SH3PXD2B: variants seen among roughly 807,000 people sequenced by gnomAD.
SH3PXD2B encodes SH3 and PX domains 2B, also known as SH3 and PX domain-containing protein 2B.
Under a neutral mutation model 73.1 loss-of-function variants are expected in SH3PXD2B, and 37 were observed. The ratio of observed to expected loss-of-function variants is 0.51; its 90% CI spans 0.39 to 0.67. The LOEUF (loss-of-function observed/expected upper bound fraction) is 0.67. Among genes scored for constraint, SH3PXD2B ranks in the 30% least tolerant of loss-of-function variants. The probability of loss-of-function intolerance (pLI) is 0.00; values close to 1 mark genes in which losing one functional copy is unlikely to be tolerated. For synonymous variants in SH3PXD2B, 457 were observed against 480.5 expected, an observed-to-expected ratio of 0.95 and a Z score of 0.64; for missense variants, 1,053 against 1,197.8, an observed-to-expected ratio of 0.88 and a Z score of 1.78.
At chr5:172,423,383 C>T (rs984446885) in intron 1 of SH3PXD2B, among the ~76,000 whole-genome samples, 6 of 152,138 alleles carry the variant, frequency 3.9e-5, no homozygotes, top group African/African-American at 1.4e-4. Flanking sequence ...CATAGAAACA[C>T]AAGGCGCTCA....
At chr5:172,348,646 C>CT (rs1561896462) in intron 10 of SH3PXD2B, among the ~76,000 whole-genome samples, 7 of 61,388 alleles carry the variant, frequency 1.1e-4, no homozygotes, top group Non-Finnish European at 2.0e-4. Flanking sequence ...ATGTATCTAT[C>CT]TATCTATCCT....
intron 1 of SH3PXD2B, among the ~76,000 whole-genome samples, chr5:172,439,721 C>G (rs1759508523): frequency 6.6e-6 from 1 of 151,808 alleles, no homozygotes; most frequent in African/African-American, 2.4e-5. Flanking sequence ...CACACACACA[C>G]ACACACACAC....
At chr5:172,348,388 G>C (rs550981902) in intron 10 of SH3PXD2B, among the ~76,000 whole-genome samples, 3 of 151,786 alleles carry the variant, frequency 2.0e-5, no homozygotes, top group Admixed American at 6.6e-5. Context: ...GCAATGCACT[G>C]CTTTTCATTG....
intron 5 of SH3PXD2B, among the ~76,000 whole-genome samples, chr5:172,374,225 G>A (rs545811693): frequency 2.6e-5 from 4 of 152,234 alleles, no homozygotes; most frequent in South Asian, 2.1e-4. Flanking sequence ...GTGCTTGGCA[G>A]TAAGTGTACA....
chr5:172,368,493 A>ACG lies in SH3PXD2B; in HGVS notation c.427+5296_427+5297insCG. On this transcript the variant is annotated intron_variant, in intron 6 of 12. Transcript: ENST00000311601. ...TTATATATATATATAAAATATATAT[A>ACG]TATTATATATATATATATAAAATAT... Among the ~76,000 whole-genome samples, 26 of 13,322 alleles carry ACG rather than the reference A, an allele frequency of 2.0e-3. 3 individuals carry two copies. Among genetic ancestry groups the ACG allele is most frequent in the African/African-American group, 8.4e-3 (23 of 2,742 alleles). 8.7% of individuals were successfully genotyped at this position (13,322 alleles called of 152,430 possible).
At position 172,336,777 on chromosome 5, in the gene SH3PXD2B, G is replaced by A. The variant is rs1252835372; in HGVS notation, c.*1592C>T. The stretch of plus-strand genomic sequence containing the variant: ...GGTTCTGCTCTGCTCTCTTACTCTG[G>A]GCTGGGAGCTAGAAATGCTGGGTCC... On this transcript the variant is annotated 3_prime_UTR_variant, in exon 13 of 13. Transcript: ENST00000311601. 1.0e-6 allele frequency: 1 copy of A among 985,500 alleles called. No homozygotes were observed. The highest frequency in any genetic ancestry group is 1.7e-5 in the African/African-American group (1 of 57,214). 61.0% of individuals were successfully genotyped at this position (985,500 alleles called of 1,614,324 possible).
chr5:172,449,167 A>G (rs1311187949), intron 1 of SH3PXD2B, among the ~76,000 whole-genome samples: 1 of 152,176 alleles, frequency 6.6e-6, no homozygotes, highest in African/African-American at 2.4e-5. Context: ...ATCTACCCAG[A>G]GCTTCCTGGG....
At chr5:172,327,199 C>G (rs1377590157) in intron 12 of SH3PXD2B, among the ~76,000 whole-genome samples, 1 of 152,104 alleles carries the variant, frequency 6.6e-6, no homozygotes, top group African/African-American at 2.4e-5. Context: ...TTCATAGAAA[C>G]AATAAAAATT....
intron 12 of SH3PXD2B, 110 bp downstream of exon 12, chr5:172,346,026 C>T: frequency 6.5e-7 from 1 of 1,549,530 alleles, no homozygotes; most frequent in Non-Finnish European, 8.9e-7. Flanking sequence ...CTGTTAATCT[C>T]CGCCCCACCT....
chr5:172,339,455 C>G lies in SH3PXD2B; in HGVS notation c.1650G>C (p.Arg550=), dbSNP rs1338726456. ...ERERQRTEQL[R]GPTPKPPGVI... ...CGCCCGGAGGCTTGGGAGTGGGGCCCCGGAGCTGCTCCGTCCTCTGCCGCT... is the reference window on the plus strand; with the variant it reads ...CGCCCGGAGGCTTGGGAGTGGGGCCGCGGAGCTGCTCCGTCCTCTGCCGCT... The change falls in exon 13 of 13, where the codon CGG becomes CGC. Residue 550 remains arginine, a synonymous_variant. Coordinates refer to ENST00000311601, the MANE Select transcript of SH3PXD2B (RefSeq NM_001017995.3). This position sits in a 1 kb window ranked among gnomAD's most constrained non-coding sequence, Gnocchi z 6.1. The G allele has an allele frequency of 1.9e-6, 3 of 1,614,012 alleles. No homozygotes were observed. In the Admixed American group the frequency reaches 5.0e-5, roughly 27 times the overall value.
intron 10 of SH3PXD2B, among the ~76,000 whole-genome samples, chr5:172,350,002 C>T (rs111544345): frequency 2.6e-5 from 4 of 152,224 alleles, no homozygotes; most frequent in Admixed American, 1.3e-4. Context: ...TTTCAGGCAG[C>T]TGCCACCACG....
At chr5:172,377,569 C>T (rs981000187) in intron 5 of SH3PXD2B, among the ~76,000 whole-genome samples, 6 of 152,186 alleles carry the variant, frequency 3.9e-5, no homozygotes, top group African/African-American at 1.4e-4. Flanking sequence ...GTCCTCACAA[C>T]CAAGCTGTGA....
At position 172,338,341 on chromosome 5, in the gene SH3PXD2B, C is replaced by A. The variant is rs377371999; in HGVS notation, c.*28G>T. Reference sequence around the variant, plus strand: ...CGTGGGTAAAGCCAGCAAGGACCAGCGGGCCCTCTAGGCAGAAAGGGAGTC... The same window carrying A: ...CGTGGGTAAAGCCAGCAAGGACCAGAGGGCCCTCTAGGCAGAAAGGGAGTC... On this transcript the variant is annotated 3_prime_UTR_variant, in exon 13 of 13. Transcript: ENST00000311601. This position sits in a 1 kb window ranked among gnomAD's most constrained non-coding sequence, Gnocchi z 5.1. The A allele has an allele frequency of 1.2e-6, 2 of 1,613,798 alleles. No individual in the cohort carries two copies. The highest frequency in any genetic ancestry group is 1.7e-5 in the Admixed American group (1 of 60,026).
chr5:172,383,057 A>G (rs574115112), intron 4 of SH3PXD2B, among the ~76,000 whole-genome samples: 26 of 152,234 alleles, frequency 1.7e-4, no homozygotes, highest in Admixed American at 1.0e-3. Flanking sequence ...TTATTCTTCT[A>G]TAACATCATC....
At chr5:172,452,944 G>A (rs1759831260) in intron 1 of SH3PXD2B, among the ~76,000 whole-genome samples, 1 of 152,148 alleles carries the variant, frequency 6.6e-6, no homozygotes, top group Non-Finnish European at 1.5e-5. Flanking sequence ...CCAGGAAATA[G>A]CTTCCCACCG....
At chr5:172,382,556 A>AACACACACACAC (rs3057156) in intron 4 of SH3PXD2B, among the ~76,000 whole-genome samples, 94 of 149,572 alleles carry the variant, frequency 6.3e-4, no homozygotes, top group South Asian at 4.9e-3. Flanking sequence ...TTTGGAGAAC[A>AACACACACACAC]ACACACACAC....
At chr5:172,402,030 C>G (rs1285389701) in intron 3 of SH3PXD2B, among the ~76,000 whole-genome samples, 1 of 152,188 alleles carries the variant, frequency 6.6e-6, no homozygotes, top group Admixed American at 6.5e-5. Flanking sequence ...TGCCTGAGAG[C>G]TGGGCGGAAC....
At chr5:172,431,471 C>T (rs1017172521) in intron 1 of SH3PXD2B, among the ~76,000 whole-genome samples, 4 of 152,196 alleles carry the variant, frequency 2.6e-5, no homozygotes, top group African/African-American at 4.8e-5. Context: ...TACTATGACG[C>T]ACAACAGGGG....
At chr5:172,444,287 C>G (rs2731691) in intron 1 of SH3PXD2B, among the ~76,000 whole-genome samples, 43,068 of 152,088 alleles carry the variant, frequency 0.28, 6,363 homozygotes, top group Non-Finnish European at 0.34. Context: ...GGAGTTCCCA[C>G]TCCCTGGATG....
Sources: allele counts gnomAD v4.1 joint callset (sites outside exome capture counted in the v4.1 genomes callset), GRCh38; gene constraint gnomAD v4.1.1; non-coding constraint Gnocchi (gnomAD v3.1); transcripts MANE v1.5; gene names NCBI Gene and HGNC (gene_info 2026-07-23, HGNC 2026-07-21).